SRGAP1: variants seen among roughly 807,000 people sequenced by gnomAD.
SRGAP1 encodes SLIT-ROBO Rho GTPase activating protein 1, also known as SLIT-ROBO Rho GTPase-activating protein 1.
SRGAP1 carries 43 observed loss-of-function variants against 121.9 expected under a neutral mutation model. The ratio of observed to expected loss-of-function variants is 0.35; its 90% CI spans 0.28 to 0.46. The LOEUF is 0.46. Among genes scored for constraint, SRGAP1 ranks in the 20% least tolerant of loss-of-function variants. SRGAP1 has a pLI of 1.00. For synonymous variants in SRGAP1, 447 were observed against 485.4 expected (o/e 0.92, Z 1.04); for missense variants, 1,102 against 1,350.9 (o/e 0.82, Z 2.89).
intron 4 of SRGAP1, among the ~76,000 whole-genome samples, chr12:64,036,943 T>C (rs2034916903): frequency 6.6e-6 from 1 of 152,212 alleles, no homozygotes; most frequent in South Asian, 2.1e-4. Flanking sequence ...GTCCACAATC[T>C]GGGTGGTACA....
chr12:64,004,131 A>G (rs778063071), intron 3 of SRGAP1, among the ~76,000 whole-genome samples: 4 of 152,162 alleles, frequency 2.6e-5, no homozygotes, highest in East Asian at 1.9e-4. Context: ...ATGTAAGTCA[A>G]TTGAGTCTTC....
chr12:63,901,299 A>G (rs2136306709), intron 1 of SRGAP1, among the ~76,000 whole-genome samples: 1 of 152,358 alleles, frequency 6.6e-6, no homozygotes, highest in East Asian at 1.9e-4. Flanking sequence ...AAAATGAGCC[A>G]TTCCCAGTCC....
intron 8 of SRGAP1, among the ~76,000 whole-genome samples, chr12:64,070,822 T>C (rs1280657091): frequency 1.3e-5 from 2 of 152,234 alleles, no homozygotes; most frequent in Admixed American, 1.3e-4. Context: ...GGTAGAAAAA[T>C]CACATTTTCC....
At chr12:64,117,197 G>C (rs947367044) in intron 18 of SRGAP1, among the ~76,000 whole-genome samples, 1 of 152,190 alleles carries the variant, frequency 6.6e-6, no homozygotes, top group Non-Finnish European at 1.5e-5. Context: ...TAGAGGGACT[G>C]TCCCTCCAAG....
At chr12:63,863,551 C>T (rs946892062) in intron 1 of SRGAP1, among the ~76,000 whole-genome samples, 2 of 152,174 alleles carry the variant, frequency 1.3e-5, no homozygotes, top group East Asian at 1.9e-4. Context: ...GGATTATAGG[C>T]GTGAGCCACC....
At chr12:63,868,907 G>A (rs1471921312) in intron 1 of SRGAP1, among the ~76,000 whole-genome samples, 1 of 152,068 alleles carries the variant, frequency 6.6e-6, no homozygotes, top group Non-Finnish European at 1.5e-5. Context: ...TTTTGTTGTT[G>A]GTGGTGGCAT....
At chr12:63,866,734 CTT>C (rs748317160) in intron 1 of SRGAP1, among the ~76,000 whole-genome samples, 2 of 137,404 alleles carry the variant, frequency 1.5e-5, no homozygotes. Context: ...TTTTTTTTTT[CTT>C]TTTTTTTTTG....
At chr12:64,012,192 C>T (rs911045557) in intron 3 of SRGAP1, among the ~76,000 whole-genome samples, 5 of 152,112 alleles carry the variant, frequency 3.3e-5, no homozygotes, top group Admixed American at 2.6e-4. Context: ...TCATTTTGGA[C>T]TTATGTTAGA....
chr12:64,077,485 CTATTA>C (rs1228627160), intron 8 of SRGAP1, among the ~76,000 whole-genome samples: 9 of 148,574 alleles, frequency 6.1e-5, no homozygotes, highest in African/African-American at 2.0e-4. Flanking sequence ...TATATATATT[CTATTA>C]TAATATATTA....
At chr12:63,861,307 T>A (rs989235595) in intron 1 of SRGAP1, among the ~76,000 whole-genome samples, 3,787 of 147,798 alleles carry the variant, frequency 0.026, 209 homozygotes, top group East Asian at 0.21. Flanking sequence ...TATATATTTT[T>A]TTTTTTTTTT....
chr12:63,846,216 A>C (rs1354138663), intron 1 of SRGAP1, among the ~76,000 whole-genome samples: 1 of 152,184 alleles, frequency 6.6e-6, no homozygotes, highest in Non-Finnish European at 1.5e-5. Flanking sequence ...AACTTGTTTC[A>C]TTGCTATGGA....
At chr12:63,889,906 T>G (rs1900520168) in intron 1 of SRGAP1, among the ~76,000 whole-genome samples, 1 of 149,758 alleles carries the variant, frequency 6.7e-6, no homozygotes, top group African/African-American at 2.5e-5. Flanking sequence ...AGACTCAGTC[T>G]CAAAAAAAAA....
At chr12:64,045,714 G>GT (rs1773515083) in intron 6 of SRGAP1, among the ~76,000 whole-genome samples, 1 of 152,096 alleles carries the variant, frequency 6.6e-6, no homozygotes, top group Non-Finnish European at 1.5e-5. Flanking sequence ...GATTACAGGT[G>GT]TGAACGTGCC....
chr12:63,957,806 G>T (rs1270961456), intron 1 of SRGAP1, among the ~76,000 whole-genome samples: 1 of 152,080 alleles, frequency 6.6e-6, no homozygotes, highest in Non-Finnish European at 1.5e-5. Context: ...TGTTCTTGGA[G>T]GATTTGCTTT....
intron 3 of SRGAP1, among the ~76,000 whole-genome samples, chr12:63,990,956 T>C (rs1172420426): frequency 2.0e-5 from 3 of 152,150 alleles, no homozygotes; most frequent in African/African-American, 7.2e-5. Context: ...GCTTCCTCCT[T>C]CCCAAATCCA....
intron 2 of SRGAP1, among the ~76,000 whole-genome samples, chr12:63,989,056 C>A (rs536947987): frequency 6.6e-6 from 1 of 152,188 alleles, no homozygotes; most frequent in Non-Finnish European, 1.5e-5. Context: ...GCAATCCACC[C>A]GCCTCGGCCT....
intron 1 of SRGAP1, among the ~76,000 whole-genome samples, chr12:63,929,952 A>G (rs551912461): frequency 6.3e-4 from 96 of 152,298 alleles, no homozygotes; most frequent in African/African-American, 2.2e-3. Context: ...AAAGCTCAAC[A>G]TCACTGATCA....
At chr12:63,870,488 C>T (rs1427603001) in intron 1 of SRGAP1, among the ~76,000 whole-genome samples, 1 of 151,480 alleles carries the variant, frequency 6.6e-6, no homozygotes, top group African/African-American at 2.4e-5. Flanking sequence ...ACTTCCACCA[C>T]ATGGCTTTGC....
At position 64,043,580 on chromosome 12, in the gene SRGAP1, G is replaced by C; in HGVS notation, c.801+5G>C. On this transcript the variant is annotated splice_donor_5th_base_variant and intron_variant, in intron 6 of 21. Coordinates refer to ENST00000355086, the MANE Select transcript of SRGAP1 (RefSeq NM_020762.4). ...GATCTTTCTGATTTAATTGATGTGA[G>C]TACTTGAAGTTTTTGTCTTTTCCAT... 6.3e-7 allele frequency: 1 copy of C among 1,583,602 alleles called. No homozygotes were observed. Among genetic ancestry groups the C allele is most frequent in the Non-Finnish European group, 8.6e-7 (1 of 1,168,426 alleles).
Sources: allele counts gnomAD v4.1 joint callset (sites outside exome capture counted in the v4.1 genomes callset), GRCh38; gene constraint gnomAD v4.1.1; transcripts MANE v1.5; gene names NCBI Gene and HGNC (gene_info 2026-07-23, HGNC 2026-07-21).